CCBE1: variants seen among roughly 807,000 people sequenced by gnomAD.
The protein encoded by CCBE1 is collagen and calcium binding EGF domains 1, also known as collagen and calcium-binding EGF domain-containing protein 1.
A neutral mutation model predicts 50.0 loss-of-function variants in CCBE1; 37 were observed. That is an observed-to-expected ratio of 0.74 (90% CI 0.57 to 0.97). CCBE1 has a LOEUF of 0.97. Among genes scored for constraint, CCBE1 ranks in the 50% least tolerant of loss-of-function variants. The pLI, the probability that CCBE1 is intolerant of heterozygous loss-of-function variation, is 0.00. For synonymous variants in CCBE1, 234 were observed against 203.7 expected (o/e 1.15, Z -1.27); for missense variants, 538 against 523.8 (o/e 1.03, Z -0.26).
Position 59,435,962 on chromosome 18 carries a change from A to T in CCBE1, c.1167T>A (p.His389Gln). 1 of 1,614,002 alleles carries T rather than the reference A, an allele frequency of 6.2e-7. No homozygotes were observed. Among genetic ancestry groups the T allele is most frequent in the Non-Finnish European group, 8.5e-7 (1 of 1,179,984 alleles). ...EAMDLGSGDD[H>Q]PRRTETRDLR... ...AGTCTCTTGTCTCAGTTCTTCTTGG[A>T]TGGTCATCTCCAGAGCCCAGGTCCA... Residue 389 changes from histidine to glutamine, a missense_variant, in exon 11 of 11, where the codon CAT (histidine) becomes CAA (glutamine). Transcript: ENST00000439986.
chr18:59,527,189 C>T lies in CCBE1; in HGVS notation c.213-46951G>A, dbSNP rs753322913. Among the ~76,000 whole-genome samples the T allele has an allele frequency of 8.5e-5, 13 of 152,172 alleles. 1 individual carries two copies. Among genetic ancestry groups the T allele is most frequent in the Admixed American group, 2.6e-4 (4 of 15,280 alleles). ...TTTTATGAATCTGAGTGCTCCTGTA[C>T]TGGGTGCATATATATTTAGGATAGC... is the stretch of plus-strand genomic sequence containing the variant. On this transcript the variant is annotated intron_variant, in intron 2 of 10. Transcript: ENST00000439986.
At chr18:59,466,423 A>AT (rs1202917338) in intron 5 of CCBE1, among the ~76,000 whole-genome samples, 2 of 151,986 alleles carry the variant, frequency 1.3e-5, no homozygotes, top group Non-Finnish European at 2.9e-5. Flanking sequence ...CTCCCCAGCC[A>AT]TATGGAACTG....
chr18:59,509,680 G>A (rs775720375), intron 2 of CCBE1, among the ~76,000 whole-genome samples: 37 of 152,288 alleles, frequency 2.4e-4, no homozygotes, highest in Middle Eastern at 3.4e-3. Flanking sequence ...GAACTTCAGT[G>A]CCCGGTGGAA....
intron 2 of CCBE1, among the ~76,000 whole-genome samples, chr18:59,490,646 C>T (rs1913056385): frequency 6.6e-6 from 1 of 152,148 alleles, no homozygotes; most frequent in South Asian, 2.1e-4. Context: ...CCCAAAACAG[C>T]AACATTTTAA....
intron 2 of CCBE1, among the ~76,000 whole-genome samples, chr18:59,622,109 C>A (rs2053718237): frequency 6.6e-6 from 1 of 152,212 alleles, no homozygotes; most frequent in South Asian, 2.1e-4. Context: ...CATCTGCTCA[C>A]CCAAGTGATT....
intron 2 of CCBE1, among the ~76,000 whole-genome samples, chr18:59,533,088 C>A (rs1182870803): frequency 6.6e-6 from 1 of 152,054 alleles, no homozygotes; most frequent in Non-Finnish European, 1.5e-5. Flanking sequence ...TCTCTTTTTT[C>A]CCCCTCTTCA....
intron 5 of CCBE1, chr18:59,465,657 A>G (rs1911706513): frequency 6.6e-6 from 1 of 152,244 alleles, no homozygotes; most frequent in Non-Finnish European, 1.5e-5. Flanking sequence ...TGTCAGATTG[A>G]TATAAAAATT....
chr18:59,479,545 A>G (rs1912467279), intron 3 of CCBE1, among the ~76,000 whole-genome samples: 1 of 152,210 alleles, frequency 6.6e-6, no homozygotes, highest in African/African-American at 2.4e-5. Flanking sequence ...AATTCTTAAA[A>G]CCATAATTTA....
At chr18:59,656,571 G>A (rs1367745862) in intron 2 of CCBE1, among the ~76,000 whole-genome samples, 1 of 152,210 alleles carries the variant, frequency 6.6e-6, no homozygotes, top group African/African-American at 2.4e-5. Context: ...CTGAGAACAT[G>A]AATTCCAGGT....
At chr18:59,441,560 G>A (rs892966950) in intron 7 of CCBE1, among the ~76,000 whole-genome samples, 1 of 152,038 alleles carries the variant, frequency 6.6e-6, no homozygotes, top group Non-Finnish European at 1.5e-5. Context: ...CCTCAGAGGG[G>A]ACCCAGATGT....
intron 2 of CCBE1, among the ~76,000 whole-genome samples, chr18:59,683,242 C>G (rs1275031729): frequency 6.6e-6 from 1 of 152,154 alleles, no homozygotes; most frequent in Non-Finnish European, 1.5e-5. Flanking sequence ...CTTCACAAGA[C>G]AAACGCAGAC....
chr18:59,498,401 C>CA (rs1913457862), intron 2 of CCBE1, among the ~76,000 whole-genome samples: 1 of 152,164 alleles, frequency 6.6e-6, no homozygotes, highest in Non-Finnish European at 1.5e-5. Context: ...GTTTCGCAGA[C>CA]AGAAGTCCTT....
chr18:59,438,237 T>A, intron 9 of CCBE1, 91 bp from the exon 10 acceptor site: 1 of 1,115,824 alleles, frequency 9.0e-7, no homozygotes, highest in Non-Finnish European at 1.4e-6. Context: ...ACCACTTCCC[T>A]GCACAAAACA....
intron 2 of CCBE1, among the ~76,000 whole-genome samples, chr18:59,656,088 A>G (rs530644886): frequency 1.3e-4 from 20 of 152,362 alleles, no homozygotes; most frequent in African/African-American, 3.4e-4. Context: ...GTTATCCTCA[A>G]TATAACTTCT....
intron 2 of CCBE1, among the ~76,000 whole-genome samples, chr18:59,613,445 A>AG (rs1400330056): frequency 1.3e-5 from 2 of 152,228 alleles, no homozygotes; most frequent in African/African-American, 4.8e-5. Context: ...TGAAGAATAT[A>AG]GTTCAACTTA....
chr18:59,481,750 C>T (rs932073789), intron 2 of CCBE1, among the ~76,000 whole-genome samples: 4 of 152,102 alleles, frequency 2.6e-5, no homozygotes, highest in Non-Finnish European at 4.4e-5. Flanking sequence ...GCAATGAAGA[C>T]ATTTCAGATT....
At chr18:59,676,182 G>A (rs1057449291) in intron 2 of CCBE1, among the ~76,000 whole-genome samples, 5 of 152,224 alleles carry the variant, frequency 3.3e-5, no homozygotes, top group Admixed American at 2.0e-4. Context: ...TCTATTATAG[G>A]AATGATCTTC....
intron 2 of CCBE1, among the ~76,000 whole-genome samples, chr18:59,534,356 T>A (rs914852680): frequency 6.6e-6 from 1 of 152,158 alleles, no homozygotes; most frequent in African/African-American, 2.4e-5. Context: ...TCCTTAATAT[T>A]TTAAAACACA....
At chr18:59,588,324 G>T (rs2053207869) in intron 2 of CCBE1, among the ~76,000 whole-genome samples, 1 of 152,128 alleles carries the variant, frequency 6.6e-6, no homozygotes, top group African/African-American at 2.4e-5. Flanking sequence ...TACTTGGGAA[G>T]GCCGAAATGC....
Sources: gnomAD v4.1 joint callset for allele counts (sites outside exome capture counted in the v4.1 genomes callset) on GRCh38, gnomAD v4.1.1 for gene constraint, MANE v1.5 for transcripts, NCBI Gene and HGNC (gene_info 2026-07-23, HGNC 2026-07-21) for gene names.